Variants in FGF14 observed in about 807,000 individuals in gnomAD.
FGF14 encodes fibroblast growth factor homologous factor 4.
Under a neutral mutation model 25.5 loss-of-function variants are expected in FGF14, and 5 were observed. That is an observed-to-expected ratio of 0.20 (90% CI 0.10 to 0.41). The LOEUF is 0.41. Among genes scored for constraint, FGF14 ranks in the 10% least tolerant of loss-of-function variants. FGF14 has a pLI of 1.00. For missense variants in FGF14, 222 were observed against 320.1 expected (o/e 0.69, Z 2.34); for synonymous variants, 138 against 118.3 (o/e 1.17, Z -1.08).
At chr13:102,251,289 T>A (rs1237454181) in intron 1 of FGF14, among the ~76,000 whole-genome samples, 4 of 152,140 alleles carry the variant, frequency 2.6e-5, no homozygotes, top group African/African-American at 9.7e-5. Flanking sequence ...AAAATTCCTT[T>A]TATTTCCTGT....
chr13:102,357,083 T>TGA (rs2057438511), intron 1 of FGF14, among the ~76,000 whole-genome samples: 2 of 151,102 alleles, frequency 1.3e-5, no homozygotes, highest in Non-Finnish European at 2.9e-5. Context: ...TCATAAAATC[T>TGA]GAGCTGTTTA....
chr13:102,019,302 T>C (rs1237918581), intron 1 of FGF14, among the ~76,000 whole-genome samples: 3 of 152,128 alleles, frequency 2.0e-5, no homozygotes, highest in African/African-American at 7.2e-5. Context: ...TTCTGCTCTA[T>C]GTCATGATTC....
chr13:102,103,000 C>T (rs1260968148), intron 1 of FGF14, among the ~76,000 whole-genome samples: 1 of 152,198 alleles, frequency 6.6e-6, no homozygotes, highest in African/African-American at 2.4e-5. Context: ...GAATCTGTGA[C>T]ATCTGCCTGG....
At chr13:101,993,518 T>C (rs1015972155) in intron 1 of FGF14, among the ~76,000 whole-genome samples, 4 of 152,066 alleles carry the variant, frequency 2.6e-5, no homozygotes, top group African/African-American at 9.7e-5. Context: ...GAGGTATTCA[T>C]AGCTAGTGAA....
upstream of FGF14, chr13:102,401,790 C>T: frequency 1.1e-6 from 1 of 889,020 alleles, no homozygotes; most frequent in Non-Finnish European, 1.8e-6. Flanking sequence ...ATGATTTATC[C>T]CCCCTCGATC....
chr13:102,248,852 AG>A, intron 1 of FGF14, among the ~76,000 whole-genome samples: 1 of 152,220 alleles, frequency 6.6e-6, no homozygotes, highest in Middle Eastern at 3.4e-3. Flanking sequence ...AGCTGAAAAA[AG>A]CATTAAAAGA....
At chr13:101,727,861 C>T (rs1253176023) in intron 3 of FGF14, among the ~76,000 whole-genome samples, 2 of 151,972 alleles carry the variant, frequency 1.3e-5, no homozygotes, top group African/African-American at 4.8e-5. Flanking sequence ...GAAAATAGAT[C>T]CTTACTGTCC....
chr13:102,294,680 A>G (rs1369626867), intron 1 of FGF14, among the ~76,000 whole-genome samples: 2 of 151,998 alleles, frequency 1.3e-5, no homozygotes, highest in African/African-American at 2.4e-5. Context: ...TATTTCCACT[A>G]TTTCTCCAGT....
chr13:101,835,268 A>G (rs532412302), intron 3 of FGF14, among the ~76,000 whole-genome samples: 6 of 152,016 alleles, frequency 3.9e-5, no homozygotes, highest in Admixed American at 3.3e-4. Flanking sequence ...AGAGAGAGAG[A>G]GGGAAAGAGA....
chr13:101,843,335 C>A (rs933153651), intron 3 of FGF14, among the ~76,000 whole-genome samples: 1 of 151,926 alleles, frequency 6.6e-6, no homozygotes, highest in African/African-American at 2.4e-5. Flanking sequence ...CATATTGCTA[C>A]ATCTACTGTA....
At chr13:102,041,133 C>A (rs1286830052) in intron 1 of FGF14, among the ~76,000 whole-genome samples, 1 of 151,364 alleles carries the variant, frequency 6.6e-6, no homozygotes. Flanking sequence ...ATTTGCCAAT[C>A]TGAAAAAAAA....
At chr13:101,988,951 A>G (rs1367870246) in intron 1 of FGF14, among the ~76,000 whole-genome samples, 1 of 152,062 alleles carries the variant, frequency 6.6e-6, no homozygotes, top group Non-Finnish European at 1.5e-5. Flanking sequence ...GTACCTAAAG[A>G]CTTCAACCTT....
chr13:101,872,663 T>A (rs1022764687), intron 2 of FGF14, among the ~76,000 whole-genome samples: 8 of 152,148 alleles, frequency 5.3e-5, no homozygotes, highest in African/African-American at 1.9e-4. Context: ...TCTGCTACGA[T>A]TCTGCCAATT....
intron 3 of FGF14, among the ~76,000 whole-genome samples, chr13:101,803,939 G>A (rs1225292959): frequency 6.6e-6 from 1 of 152,068 alleles, no homozygotes; most frequent in Non-Finnish European, 1.5e-5. Flanking sequence ...GAAATATATA[G>A]AAGCTATTTG....
intron 1 of FGF14, among the ~76,000 whole-genome samples, chr13:102,068,330 G>A (rs960778664): frequency 6.6e-6 from 1 of 152,228 alleles, no homozygotes; most frequent in African/African-American, 2.4e-5. Context: ...CACAGCCCTC[G>A]CTCGCTCTCG....
rs1252473924 is a variant in FGF14 at position 102,400,518 on chromosome 13, G to C, written c.208+953C>G. 6.6e-6 allele frequency among the ~76,000 whole-genome samples: 1 copy of C among 152,184 alleles called. No homozygotes were observed. The highest frequency in any genetic ancestry group is 1.5e-5 in the Non-Finnish European group (1 of 68,030). Reference sequence around the variant, plus strand: ...GCAGCCCTCCAGCCTGCCTCCCCTGGGTTGCTCGCCCACAGCTCCGCGGCC... The same window carrying C: ...GCAGCCCTCCAGCCTGCCTCCCCTGCGTTGCTCGCCCACAGCTCCGCGGCC... On this transcript the variant is annotated intron_variant, in intron 1 of 4. Coordinates refer to the FGF14 transcript ENST00000376131. This position sits in a 1 kb window ranked among gnomAD's most constrained non-coding sequence, Gnocchi z 4.3.
At chr13:102,267,990 G>A (rs1456719507) in intron 1 of FGF14, among the ~76,000 whole-genome samples, 2 of 151,962 alleles carry the variant, frequency 1.3e-5, no homozygotes, top group Non-Finnish European at 2.9e-5. Context: ...GCTATAAATA[G>A]ATAAGAAGGA....
At chr13:101,761,527 C>T (rs546615226) in intron 3 of FGF14, among the ~76,000 whole-genome samples, 3 of 152,158 alleles carry the variant, frequency 2.0e-5, no homozygotes, top group South Asian at 4.2e-4. Flanking sequence ...GCAGAAAGGT[C>T]GACTATAGAC....
intron 1 of FGF14, among the ~76,000 whole-genome samples, chr13:101,950,852 T>TA (rs1320794696): frequency 1.4e-5 from 2 of 139,448 alleles, no homozygotes; most frequent in East Asian, 4.1e-4. Context: ...GTGGTCAAAT[T>TA]AAAAAATGGC....
Sources: allele counts gnomAD v4.1 joint callset (sites outside exome capture counted in the v4.1 genomes callset), GRCh38; gene constraint gnomAD v4.1.1; non-coding constraint Gnocchi (gnomAD v3.1); transcripts MANE v1.5; gene names NCBI Gene and HGNC (gene_info 2026-07-23, HGNC 2026-07-21).